CD1A: variants seen among roughly 807,000 people sequenced by gnomAD.
CD1A encodes T-cell surface glycoprotein CD1a.
Under a neutral mutation model 38.3 loss-of-function variants are expected in CD1A, and 50 were observed. The observed-to-expected ratio is 1.30, with a 90% CI of 1.04 to 1.65. The LOEUF (loss-of-function observed/expected upper bound fraction) is 1.65. Among genes scored for constraint, CD1A ranks in the 40% most tolerant of loss-of-function variants. CD1A has a pLI of 0.00. For synonymous variants in CD1A, 160 were observed against 150.8 expected, an observed-to-expected ratio of 1.06 and a Z score of -0.45; for missense variants, 459 against 406.1, an observed-to-expected ratio of 1.13 and a Z score of -1.12.
chr1:158,256,432 G>T, intron 3 of CD1A, 150 bp downstream of exon 3: 2 of 812,682 alleles, frequency 2.5e-6, no homozygotes, highest in Non-Finnish European at 1.9e-6. Context: ...ACTTTGGGAA[G>T]CTGAGGCTGG....
At chr1:158,248,566 A>G in the CD1A span, among the ~76,000 whole-genome samples, 1 of 152,120 alleles carries the variant, frequency 6.6e-6, no homozygotes, top group East Asian at 1.9e-4. Flanking sequence ...TAATCAGGGT[A>G]TATGTTATTC....
chr1:158,256,259 G>A lies in CD1A; in HGVS notation c.581G>A (p.Gly194Glu), dbSNP rs201927282. Residue 194 changes from glycine to glutamate, a missense_variant, in exon 3 of 6, where the codon GGA becomes GAA. Physicochemically the swap from Gly to Glu is moderately conservative, Grantham distance 98. Coordinates refer to ENST00000289429, the MANE Select transcript of CD1A (RefSeq NM_001763.3). ...PRFILGLLDA[G>E]KAHLQRQVKP... ...TTCATCTTGGGTCTTCTTGATGCAG[G>A]AAAGGCACATCTCCAGCGGCAAGGT... is the stretch of plus-strand genomic sequence containing the variant. The A allele has an allele frequency of 1.9e-6, 3 of 1,613,978 alleles. No homozygotes were observed. The highest frequency in any genetic ancestry group is 2.2e-5 in the East Asian group (1 of 44,886).
upstream of CD1A, among the ~76,000 whole-genome samples, chr1:158,251,035 C>T (rs2101627328): frequency 6.6e-6 from 1 of 152,280 alleles, no homozygotes; most frequent in South Asian, 2.1e-4. Context: ...GAATAGCCTA[C>T]TATTGGCTGG....
At chr1:158,254,958 A>G (rs1472355325) in intron 1 of CD1A, 126 bp from the exon 2 acceptor site, 2 of 1,020,334 alleles carry the variant, frequency 2.0e-6, no homozygotes, top group Non-Finnish European at 2.9e-6. Context: ...TGGCAAGTGA[A>G]TGTCTGCTAA....
At chr1:158,249,676 T>C (rs1266025767), upstream of CD1A, among the ~76,000 whole-genome samples, 1 of 152,244 alleles carries the variant, frequency 6.6e-6, no homozygotes, top group Non-Finnish European at 1.5e-5. Context: ...GAAGTTTCTC[T>C]CTCTTTCTGT....
upstream of CD1A, among the ~76,000 whole-genome samples, chr1:158,249,910 C>T (rs1334664069): frequency 6.6e-6 from 1 of 152,160 alleles, no homozygotes; most frequent in East Asian, 1.9e-4. Flanking sequence ...CACTCCAACC[C>T]TCCACAGATG....
Position 158,256,803 on chromosome 1 carries a change from C to G in CD1A, c.622C>G (p.Leu208Val). Reference sequence around the variant, plus strand: ...CTTTGCAGTGAAGCCCGAGGCCTGGCTGTCCCATGGCCCCAGTCCTGGCCC... The same window carrying G: ...CTTTGCAGTGAAGCCCGAGGCCTGGGTGTCCCATGGCCCCAGTCCTGGCCC... ...LQRQVKPEAW[L>V]SHGPSPGPGH... Residue 208 changes from leucine (L) to valine (V), a missense_variant, in exon 4 of 6, where the codon CTG becomes GTG. By Grantham distance (32) the Leu-to-Val change is conservative. Coordinates refer to ENST00000289429, the MANE Select transcript of CD1A (RefSeq NM_001763.3). 1 of 1,614,084 alleles carries G rather than the reference C, an allele frequency of 6.2e-7. No individual in the cohort carries two copies. Among genetic ancestry groups the G allele is most frequent in the South Asian group, 1.1e-5 (1 of 91,086 alleles).
At position 158,256,290 on chromosome 1, in the gene CD1A, C is replaced by A. The variant is rs369412906; in HGVS notation, c.604+8C>A. 1.9e-6 allele frequency: 3 copies of A among 1,606,320 alleles called. No individual in the cohort carries two copies. The highest frequency in any genetic ancestry group is 4.5e-5 in the East Asian group (2 of 44,742). ...CACATCTCCAGCGGCAAGGTCAGTC[C>A]TGCACTCTCCCTCCAAGAAGTTTTG... On this transcript the variant is annotated splice_region_variant and intron_variant, in intron 3 of 5. Transcript: ENST00000289429.
chr1:158,253,224 C>T (rs1255444544), upstream of CD1A, among the ~76,000 whole-genome samples: 2 of 152,108 alleles, frequency 1.3e-5, no homozygotes, highest in South Asian at 2.1e-4. Flanking sequence ...ATTTAGAAGC[C>T]CTTCAACAGT....
chr1:158,253,025 A>G (rs916409530), upstream of CD1A, among the ~76,000 whole-genome samples: 1 of 152,240 alleles, frequency 6.6e-6, no homozygotes, highest in Non-Finnish European at 1.5e-5. Context: ...TGAGGCCGGG[A>G]GTTGGAGGTT....
chr1:158,252,896 TCAAAA>T (rs59775988), upstream of CD1A, among the ~76,000 whole-genome samples: 924 of 151,692 alleles, frequency 6.1e-3, 5 homozygotes, highest in Non-Finnish European at 9.9e-3. Flanking sequence ...AGACTCTGTC[TCAAAA>T]CAAAACAAAA....
chr1:158,254,137 G>A (rs1416956684), upstream of CD1A: 2 of 965,026 alleles, frequency 2.1e-6, no homozygotes, highest in Non-Finnish European at 1.2e-6. Context: ...CTGTCGCACA[G>A]GGCAGTCGTA....
intron 4 of CD1A, 147 bp downstream of exon 4, chr1:158,257,211 A>G: frequency 8.7e-7 from 1 of 1,149,962 alleles, no homozygotes; most frequent in Non-Finnish European, 1.2e-6. Flanking sequence ...AATGTTGAAA[A>G]TGAGGGCCCT....
upstream of CD1A, chr1:158,254,320 T>C (rs1010658787): frequency 2.6e-6 from 3 of 1,146,046 alleles, no homozygotes; most frequent in African/African-American, 4.9e-5. Flanking sequence ...TTTCACTTTA[T>C]GCTCTTATTG....
At position 158,256,858 on chromosome 1, in the gene CD1A, C is replaced by G. The variant is rs1474987512; in HGVS notation, c.677C>G (p.Ser226Ter). The change falls in exon 4 of 6, where the codon TCA (serine) becomes TGA (stop). Residue 226 changes from serine (S) to a stop codon, truncating the protein, a stop_gained. Coordinates refer to ENST00000289429, the MANE Select transcript of CD1A (RefSeq NM_001763.3). LOFTEE classifies it high-confidence loss of function. ...CATCTGCAGCTTGTGTGCCATGTCT[C>G]AGGATTCTACCCAAAGCCCGTGTGG... Reference protein sequence around the residue: ...PGHLQLVCHVSGFYPKPVWVM... With the variant: ...PGHLQLVCHV The G allele has an allele frequency of 9.3e-6, 15 of 1,614,242 alleles. No homozygotes were observed. Among genetic ancestry groups the G allele is most frequent in the Non-Finnish European group, 1.3e-5 (15 of 1,180,052 alleles).
At position 158,256,054 on chromosome 1, in the gene CD1A, G is replaced by T. The variant is rs748322040; in HGVS notation, c.376G>T (p.Val126Phe). 12 of 1,614,130 alleles carry T rather than the reference G, an allele frequency of 7.4e-6. No homozygotes were observed. Among genetic ancestry groups the T allele is most frequent in the East Asian group, 2.2e-5 (1 of 44,884 alleles). ...TGGCELHSGK[V>F]SGSFLQLAYQ... ...AGGCTGTGAGCTGCACTCTGGAAAG[G>T]TCTCAGGAAGCTTCTTGCAGTTAGC... The change falls in exon 3 of 6, where the codon GTC becomes TTC. Residue 126 changes from valine (V) to phenylalanine (F), a missense_variant. Physicochemically the swap from Val to Phe is conservative, Grantham distance 50. Transcript: ENST00000289429.
the CD1A span, among the ~76,000 whole-genome samples, chr1:158,249,137 A>C: frequency 1.3e-5 from 2 of 152,052 alleles, no homozygotes; most frequent in Non-Finnish European, 2.9e-5. Flanking sequence ...TCTTTTCCTT[A>C]TCAAACCTAA....
chr1:158,254,250 A>G, upstream of CD1A: 6 of 1,030,090 alleles, frequency 5.8e-6, no homozygotes, highest in Non-Finnish European at 7.0e-6. Context: ...AATATTGAAA[A>G]GGACAGAGTG....
At chr1:158,256,553 C>A (rs184149143) in intron 3 of CD1A, among the ~76,000 whole-genome samples, 1 of 152,022 alleles carries the variant, frequency 6.6e-6, no homozygotes, top group East Asian at 1.9e-4. Context: ...ACCTGTAGTC[C>A]CAGTTACTTA....
Sources: gnomAD v4.1 joint callset for allele counts (sites outside exome capture counted in the v4.1 genomes callset) on GRCh38, gnomAD v4.1.1 for gene constraint, MANE v1.5 for transcripts, NCBI Gene and HGNC (gene_info 2026-07-23, HGNC 2026-07-21) for gene names.